TANC1: variants seen among roughly 807,000 people sequenced by gnomAD.
The protein encoded by TANC1 is tetratricopeptide repeat, ankyrin repeat and coiled-coil containing 1, also known as protein TANC1.
In TANC1, 77 loss-of-function variants were observed where a neutral mutation model predicts 149.7. That is an observed-to-expected ratio of 0.51 (90% CI 0.43 to 0.62). TANC1 has a LOEUF of 0.62. TANC1 is among the 20% of genes least tolerant of loss of function. The probability of loss-of-function intolerance (pLI) is 0.00; values close to 1 mark genes in which losing one functional copy is unlikely to be tolerated. For missense variants in TANC1, 1,985 were observed against 2,321.8 expected, an observed-to-expected ratio of 0.85 and a Z score of 2.98; for synonymous variants, 854 against 925.0, an observed-to-expected ratio of 0.92 and a Z score of 1.39.
Position 159,231,109 on chromosome 2 carries a change from C to G in TANC1, c.*97C>G. 9.3e-7 allele frequency: 1 copy of G among 1,078,254 alleles called. No individual in the cohort carries two copies. Among genetic ancestry groups the G allele is most frequent in the Non-Finnish European group, 1.3e-6 (1 of 762,582 alleles). 66.8% of individuals were successfully genotyped at this position (1,078,254 alleles called of 1,614,324 possible). A position where few individuals can be genotyped will look rare whatever the true frequency, so the allele number is the denominator to read the frequency against. On this transcript the variant is annotated 3_prime_UTR_variant, in exon 27 of 27. Coordinates refer to ENST00000263635, the MANE Select transcript of TANC1 (RefSeq NM_033394.3). ...TTCATCAGAAAAATTATTTTTTAGC[C>G]ATTTTTTTTCTTTGGGGTGGATCTG... is the stretch of plus-strand genomic sequence containing the variant.
chr2:159,187,718 A>G (rs2057113000), intron 16 of TANC1, among the ~76,000 whole-genome samples: 1 of 152,184 alleles, frequency 6.6e-6, no homozygotes, highest in African/African-American at 2.4e-5. Context: ...GCCCTGGGTC[A>G]GTTTAGGGAG....
At chr2:158,978,527 C>T (rs1354231595) in intron 1 of TANC1, among the ~76,000 whole-genome samples, 1 of 152,140 alleles carries the variant, frequency 6.6e-6, no homozygotes, top group Non-Finnish European at 1.5e-5. Flanking sequence ...GCAGTGAGTT[C>T]AAGGGAGAGT....
intron 4 of TANC1, among the ~76,000 whole-genome samples, chr2:159,118,039 T>G (rs1200188819): frequency 1.3e-5 from 2 of 152,132 alleles, no homozygotes; most frequent in East Asian, 3.9e-4. Flanking sequence ...TTCTCATGAT[T>G]AGACTGGAGT....
chr2:159,162,090 G>C (rs987034654), intron 7 of TANC1, among the ~76,000 whole-genome samples: 9 of 152,178 alleles, frequency 5.9e-5, no homozygotes, highest in African/African-American at 1.2e-4. Context: ...AGGATGTCCT[G>C]GGCCACTGCA....
Position 159,230,830 on chromosome 2 carries a change from G to A in TANC1, c.5404G>A (p.Glu1802Lys), listed in dbSNP as rs201958208. Residue 1802 changes from glutamate (E) to lysine (K), a missense_variant, in exon 27 of 27, where the codon GAG becomes AAG. Around this residue, in one of 3 missense-constraint regions of TANC1, gnomAD observed 920 missense variants for 994.7 expected, o/e 0.92. Transcript: ENST00000263635. This position sits in a 1 kb window ranked among gnomAD's most constrained non-coding sequence, Gnocchi z 4.4. ...ASVHNGAQVK[E>K]LEESKCQIPV... ...TGTCCACAATGGGGCACAAGTGAAG[G>A]AGCTAGAAGAAAGCAAGTGCCAAAT... 172 of 1,614,196 alleles carry A rather than the reference G, an allele frequency of 1.1e-4. No homozygotes were observed. The African/African-American group carries it at 2.0e-3, about 19-fold the overall frequency.
intron 4 of TANC1, among the ~76,000 whole-genome samples, chr2:159,112,632 A>G (rs749696609): frequency 3.3e-5 from 5 of 151,158 alleles, no homozygotes; most frequent in Non-Finnish European, 5.9e-5. Context: ...CAATGGCACA[A>G]TCACAGCTCA....
intron 7 of TANC1, among the ~76,000 whole-genome samples, chr2:159,158,369 A>G (rs1029111607): frequency 5.9e-5 from 9 of 152,128 alleles, no homozygotes; most frequent in African/African-American, 1.2e-4. Context: ...CGAAACAAAA[A>G]AAAACCATGT....
chr2:158,970,730 G>A lies in TANC1; in HGVS notation c.-126+1948G>A, dbSNP rs191010118. The stretch of plus-strand genomic sequence containing the variant: ...CCAAGTGAACTTGGTTCAGGCTTCC[G>A]GACTGTTGTGATTTGACAATAAGAG... On this transcript the variant is annotated intron_variant, in intron 1 of 26. Transcript: ENST00000263635. 3.3e-5 allele frequency among the ~76,000 whole-genome samples: 5 copies of A among 152,274 alleles called. 1 individual carries two copies. Among genetic ancestry groups the A allele is most frequent in the South Asian group, 4.1e-4 (2 of 4,820 alleles).
intron 2 of TANC1, among the ~76,000 whole-genome samples, chr2:159,030,250 C>T (rs1048889831): frequency 1.4e-4 from 22 of 152,048 alleles, no homozygotes; most frequent in African/African-American, 4.8e-4. Flanking sequence ...TGTCTTTCTA[C>T]GGAATGGTGG....
chr2:158,988,044 C>T (rs919204515), intron 1 of TANC1, among the ~76,000 whole-genome samples: 28 of 151,906 alleles, frequency 1.8e-4, no homozygotes, highest in Admixed American at 5.2e-4. Flanking sequence ...AAAAAGTGGC[C>T]GGGCGTGGTG....
At chr2:159,043,659 C>T (rs1247377075) in intron 2 of TANC1, among the ~76,000 whole-genome samples, 1 of 152,060 alleles carries the variant, frequency 6.6e-6, no homozygotes, top group Non-Finnish European at 1.5e-5. Context: ...AGTACTTTTC[C>T]ATTGAAAACA....
intron 22 of TANC1, among the ~76,000 whole-genome samples, chr2:159,222,725 C>A (rs2150957185): frequency 6.6e-6 from 1 of 152,174 alleles, no homozygotes; most frequent in East Asian, 1.9e-4. Context: ...TATTCAAGAC[C>A]CTGTTTTCAG....
At chr2:159,211,581 T>TA in intron 19 of TANC1, among the ~76,000 whole-genome samples, 1 of 152,234 alleles carries the variant, frequency 6.6e-6, no homozygotes. Flanking sequence ...GAGCATAATT[T>TA]AGCCATGGTT....
At chr2:159,000,385 A>G (rs2036519964) in intron 1 of TANC1, among the ~76,000 whole-genome samples, 1 of 152,084 alleles carries the variant, frequency 6.6e-6, no homozygotes, top group African/African-American at 2.4e-5. Flanking sequence ...GGCATTTGCT[A>G]GAGTAGGAGG....
chr2:159,147,623 C>A (rs761637958), intron 5 of TANC1: 4 of 152,394 alleles, frequency 2.6e-5, no homozygotes, highest in Admixed American at 6.5e-5. Flanking sequence ...GCTCCTTTTC[C>A]CTGTGTTGGC....
rs114704202 is a variant in TANC1 at position 159,097,783 on chromosome 2, C to A, written c.208C>A (p.Leu70Met). The change falls in exon 4 of 27, where the codon CTG (leucine) becomes ATG (methionine). Residue 70 changes from leucine to methionine, a missense_variant. Physicochemically the swap from Leu to Met is conservative, Grantham distance 15. Transcript: ENST00000263635. The stretch of plus-strand genomic sequence containing the variant: ...GATGTCTCTGCCTTCCTCACCTTTG[C>A]TGCCTCGACAGTCTCACTTGGTGCA... The part of the protein sequence containing the change: ...VSMSLPSSPL[L>M]PRQSHLVQSR... The A allele has an allele frequency of 9.3e-4, 1,500 of 1,614,022 alleles. 17 individuals are homozygous for A. In the African/African-American group the frequency reaches 0.017, roughly 18 times the overall value.
At position 159,224,310 on chromosome 2, in the gene TANC1, G is replaced by A. The variant is rs778829193; in HGVS notation, c.3757G>A (p.Gly1253Ser). The change falls in exon 23 of 27, where the codon GGC (glycine) becomes AGC (serine). Residue 1253 changes from glycine (G) to serine (S), a missense_variant. By Grantham distance (56) the Gly-to-Ser change is moderately conservative (BLOSUM62 0). This residue lies in a region of TANC1 where 920 missense variants were observed against 994.7 expected (regional missense o/e 0.92). Transcript: ENST00000263635. The stretch of plus-strand genomic sequence containing the variant: ...GATGCGGCCCTTGGACAGAGCCATC[G>A]GCTGCCGGAACACATCTGTAGTGGT... The part of the protein sequence containing the change: ...SGMRPLDRAI[G>S]CRNTSVVVAL... The A allele has an allele frequency of 1.3e-5, 21 of 1,614,044 alleles. No homozygotes were observed. The highest frequency in any genetic ancestry group is 2.7e-5 in the African/African-American group (2 of 74,902).
intron 3 of TANC1, among the ~76,000 whole-genome samples, chr2:159,076,239 A>G (rs1006480870): frequency 2.6e-5 from 4 of 152,148 alleles, no homozygotes; most frequent in African/African-American, 9.7e-5. Flanking sequence ...ACTTATCCAG[A>G]AAGCTTCTTG....
At chr2:159,169,970 G>A (rs1340872438) in intron 9 of TANC1, among the ~76,000 whole-genome samples, 5 of 150,506 alleles carry the variant, frequency 3.3e-5, no homozygotes, top group Non-Finnish European at 7.4e-5. Flanking sequence ...TCCAGCCTGG[G>A]CAACAAGAGT....
Sources: allele counts gnomAD v4.1 joint callset (sites outside exome capture counted in the v4.1 genomes callset), GRCh38; gene constraint gnomAD v4.1.1; regional missense constraint gnomAD v4.1.1; non-coding constraint Gnocchi (gnomAD v3.1); transcripts MANE v1.5; gene names NCBI Gene and HGNC (gene_info 2026-07-23, HGNC 2026-07-21).